The following ATP1A3 variants were observed in gnomAD, a reference collection of about 807,000 sequenced individuals.
ATP1A3 encodes the protein ATPase Na+/K+ transporting subunit alpha 3.
ATP1A3 carries 12 observed loss-of-function variants against 108.8 expected under a neutral mutation model. That is an observed-to-expected ratio of 0.11 (90% CI 0.07 to 0.18). The LOEUF (loss-of-function observed/expected upper bound fraction) is 0.18, where lower values mean the gene tolerates loss of function less well. ATP1A3 is among the 10% of genes least tolerant of loss of function. The probability of loss-of-function intolerance (pLI) is 1.00; values close to 1 mark genes in which losing one functional copy is unlikely to be tolerated. For missense variants in ATP1A3, 498 were observed against 1,387.7 expected (o/e 0.36, Z 10.19); for synonymous variants, 539 against 564.5 (o/e 0.95, Z 0.64).
In ATP1A3 at chr19:41,985,548, T is replaced by G. The variant is rs2075279005; in HGVS notation, c.607-125A>C. On this transcript the variant is annotated intron_variant, in intron 6 of 22. Coordinates refer to ENST00000648268, the MANE Select transcript of ATP1A3 (RefSeq NM_152296.5). The surrounding 1 kb of genome is among the most constrained non-coding windows in gnomAD (Gnocchi z 8.2). The stretch of plus-strand genomic sequence containing the variant: ...CACAGCTAGAAGCCTGGGTGCCCAG[T>G]GGGTGAGTGGTGTGTGGGAGGCCAG... 1 of 1,007,598 alleles carries G rather than the reference T, an allele frequency of 9.9e-7. No individual in the cohort carries two copies. Among genetic ancestry groups the G allele is most frequent in the Non-Finnish European group, 1.5e-6 (1 of 649,790 alleles). 62.4% of individuals were successfully genotyped at this position (1,007,598 alleles called of 1,614,324 possible).
At chr19:41,976,805 A>T (rs1460211729) in intron 14 of ATP1A3, among the ~76,000 whole-genome samples, 39 of 151,586 alleles carry the variant, frequency 2.6e-4, no homozygotes, top group East Asian at 1.2e-3. Context: ...TTTATTTATT[A>T]TTTATTTATT....
chr19:41,969,105 G>A (rs938634039), intron 19 of ATP1A3, among the ~76,000 whole-genome samples, 190 bp from the exon 20 acceptor site: 2 of 152,206 alleles, frequency 1.3e-5, no homozygotes, highest in Non-Finnish European at 2.9e-5. Flanking sequence ...AAGAAGAAAG[G>A]TTAATGGTGA....
Position 41,967,305 on chromosome 19 carries a change from A to C in ATP1A3, c.2957T>G (p.Phe986Cys), listed in dbSNP as rs781868380. 6.2e-7 allele frequency: 1 copy of C among 1,612,412 alleles called. No homozygotes were observed. The highest frequency in any genetic ancestry group is 1.1e-5 in the South Asian group (1 of 91,084). ...SWWFCAFPYS[F>C]LIFVYDEIRK... ...GATTTCGTCGTAGACGAAGATGAGG[A>C]AACTGTAGGGGAAGGCACAGAACCA... The change falls in exon 22 of 23, where the codon TTC (phenylalanine) becomes TGC (cysteine). Residue 986 changes from phenylalanine (F) to cysteine (C), a missense_variant. Physicochemically the swap from Phe to Cys is radical, Grantham distance 205. Coordinates refer to ENST00000648268, the MANE Select transcript of ATP1A3 (RefSeq NM_152296.5). The surrounding 1 kb of genome is among the most constrained non-coding windows in gnomAD (Gnocchi z 4.2).
intron 1 of ATP1A3, chr19:41,993,391 A>G: frequency 6.5e-7 from 1 of 1,534,478 alleles, no homozygotes; most frequent in Non-Finnish European, 8.7e-7. Flanking sequence ...CAGTCTCCCC[A>G]CCGTGGCTCT....
rs374826826 is a variant in ATP1A3 at position 41,981,901 on chromosome 19, C to T, written c.1192+7G>A. On this transcript the variant is annotated splice_region_variant and intron_variant, in intron 9 of 22. Coordinates refer to ENST00000648268, the MANE Select transcript of ATP1A3 (RefSeq NM_152296.5). The surrounding 1 kb of genome is among the most constrained non-coding windows in gnomAD (Gnocchi z 5.0). The stretch of plus-strand genomic sequence containing the variant: ...CCCCATGGTCCTCACCCGGGGCCTG[C>T]GCTCACCTGACTGGTCCTCAGTGGT... 9.9e-6 allele frequency: 16 copies of T among 1,614,108 alleles called. No homozygotes were observed. The highest frequency in any genetic ancestry group is 3.3e-5 in the Admixed American group (2 of 60,010).
At chr19:41,974,687 C>T (rs1376987308) in intron 16 of ATP1A3, among the ~76,000 whole-genome samples, 2 of 152,236 alleles carry the variant, frequency 1.3e-5, no homozygotes, top group African/African-American at 2.4e-5. Flanking sequence ...GGCGAGGTTA[C>T]GGGTGATTCT....
At chr19:41,993,435 TG>T in intron 1 of ATP1A3, 2 of 1,534,590 alleles carry the variant, frequency 1.3e-6, no homozygotes, top group Non-Finnish European at 1.7e-6. Context: ...CTCCCATGCC[TG>T]CTCCCCTACA....
intron 16 of ATP1A3, among the ~76,000 whole-genome samples, chr19:41,971,778 G>A (rs1456068777): frequency 6.6e-6 from 1 of 152,134 alleles, no homozygotes; most frequent in Non-Finnish European, 1.5e-5. Flanking sequence ...TGGGGGGCTG[G>A]AATGGTTTTC....
intron 8 of ATP1A3, among the ~76,000 whole-genome samples, chr19:41,983,141 G>A (rs915165111): frequency 2.6e-5 from 4 of 151,398 alleles, no homozygotes; most frequent in South Asian, 2.1e-4. Context: ...GCAGTGGCTC[G>A]ATCTCAGCTC....
At chr19:41,973,154 C>T (rs2075131550) in intron 16 of ATP1A3, among the ~76,000 whole-genome samples, 1 of 152,164 alleles carries the variant, frequency 6.6e-6, no homozygotes, top group African/African-American at 2.4e-5. Flanking sequence ...CAAGGTGTGC[C>T]GTGCGCTGAC....
intron 16 of ATP1A3, 34 bp downstream of exon 16, chr19:41,975,595 C>T (rs566330193): frequency 2.5e-6 from 4 of 1,613,406 alleles, no homozygotes; most frequent in African/African-American, 1.3e-5. Context: ...CCGGTAGTGA[C>T]CCTGGTCTCC....
rs782325963 is a variant in ATP1A3, at chr19:41,966,970, A to G, written c.3014-5T>C. 6 of 1,551,394 alleles carry G rather than the reference A, an allele frequency of 3.9e-6. No individual in the cohort carries two copies. In the East Asian group the frequency reaches 9.8e-5, roughly 25 times the overall value. ...AGGTTTCCTTCTCCACCCAACCTGGAGAGACAAAGAAGGAAAGAAAGAGAC... is the reference window on the plus strand; with the variant it reads ...AGGTTTCCTTCTCCACCCAACCTGGGGAGACAAAGAAGGAAAGAAAGAGAC... On this transcript the variant is annotated splice_region_variant and splice_polypyrimidine_tract_variant and intron_variant, in intron 22 of 22. Transcript: ENST00000648268.
At position 41,988,510 on chromosome 19, in the gene ATP1A3, C is replaced by T. The variant is rs949169436; in HGVS notation, c.59G>A (p.Arg20Gln). Residue 20 changes from arginine (R) to glutamine (Q), a missense_variant, in exon 2 of 23, where the codon CGG becomes CAG. By Grantham distance (43) the Arg-to-Gln change is conservative. Transcript: ENST00000648268. This position sits in a 1 kb window ranked among gnomAD's most constrained non-coding sequence, Gnocchi z 5.3. Reference protein sequence around the residue: ...SPKKNKGKERRDLDDLKKEVA... With the variant: ...SPKKNKGKERQDLDDLKKEVA... The stretch of plus-strand genomic sequence containing the variant: ...CTCCTTCTTGAGGTCATCCAGGTCC[C>T]GGCGCTCCTTGCCCTTGTTCTTCTT... 1.1e-5 allele frequency: 18 copies of T among 1,614,060 alleles called. 1 individual carries two copies. The South Asian group carries it at 1.4e-4, about 13-fold the overall frequency.
chr19:41,988,019 T>C lies in ATP1A3; in HGVS notation c.274A>G (p.Ile92Val), dbSNP rs933392084. Residue 92 changes from isoleucine (I) to valine (V), a missense_variant, in exon 4 of 23, where the codon ATC (isoleucine) becomes GTC (valine). This residue lies in a region of ATP1A3 where 127 missense variants were observed against 464.0 expected (regional missense o/e 0.27). Transcript: ENST00000648268. The surrounding 1 kb of genome is among the most constrained non-coding windows in gnomAD (Gnocchi z 5.3). ...FCRQLFGGFS[I>V]LLWIGAILCF... ...AGGATAGCCCCGATCCACAGCAGGA[T>C]GGAGAAGCCCCCGAAGAGCTGCCGG... The C allele has an allele frequency of 2.5e-6, 4 of 1,613,998 alleles. No homozygotes were observed. The Admixed American group carries it at 5.0e-5, about 20-fold the overall frequency.
Position 41,985,818 on chromosome 19 carries a change from G to A in ATP1A3, c.606+46C>T, listed in dbSNP as rs782379277. The A allele has an allele frequency of 6.2e-7, 1 of 1,609,298 alleles. No homozygotes were observed. The stretch of plus-strand genomic sequence containing the variant: ...GAGGAGGGGCTGGGCCTGAGCTCCT[G>A]GGCAGCCCGAGGGAGGGTAAAGCCG... On this transcript the variant is annotated intron_variant, in intron 6 of 22. Coordinates refer to ENST00000648268, the MANE Select transcript of ATP1A3 (RefSeq NM_152296.5). The surrounding 1 kb of genome is among the most constrained non-coding windows in gnomAD (Gnocchi z 8.2).
intron 8 of ATP1A3, chr19:41,984,176 G>A (rs1231322560): frequency 6.6e-6 from 1 of 152,062 alleles, no homozygotes; most frequent in Non-Finnish European, 1.5e-5. Context: ...CAAACTGTTG[G>A]GATTAAAGGC....
At chr19:41,972,601 C>T (rs2075121080) in intron 16 of ATP1A3, among the ~76,000 whole-genome samples, 3 of 151,848 alleles carry the variant, frequency 2.0e-5, no homozygotes, top group South Asian at 2.1e-4. Context: ...CCCATCTCTA[C>T]TAAAACACAA....
At chr19:41,972,489 G>A (rs1351362060) in intron 16 of ATP1A3, among the ~76,000 whole-genome samples, 4 of 151,344 alleles carry the variant, frequency 2.6e-5, no homozygotes, top group East Asian at 2.0e-4. Flanking sequence ...AAGAACAGGC[G>A]GGCACGGTGG....
chr19:41,973,663 G>A (rs531765081), intron 16 of ATP1A3, among the ~76,000 whole-genome samples: 1 of 152,280 alleles, frequency 6.6e-6, no homozygotes, highest in East Asian at 1.9e-4. Flanking sequence ...TGCTTTCTTC[G>A]GGGCATATAT....
Sources: allele counts gnomAD v4.1 joint callset (sites outside exome capture counted in the v4.1 genomes callset), GRCh38; gene constraint gnomAD v4.1.1; regional missense constraint gnomAD v4.1.1; non-coding constraint Gnocchi (gnomAD v3.1); transcripts MANE v1.5; gene names NCBI Gene and HGNC (gene_info 2026-07-23, HGNC 2026-07-21).